The following SCAMP2 variants were observed in gnomAD, a reference collection of about 807,000 sequenced individuals.
The protein encoded by SCAMP2 is secretory carrier-associated membrane protein 2.
In SCAMP2, 25 loss-of-function variants were observed where a neutral mutation model predicts 44.1. That is an observed-to-expected ratio of 0.57 (90% CI 0.41 to 0.79). The LOEUF is 0.79. Ranked by LOEUF, SCAMP2 falls within the 30% of genes least tolerant of loss-of-function variation. The pLI, the probability that SCAMP2 is intolerant of heterozygous loss-of-function variation, is 0.00. For synonymous variants in SCAMP2, 156 were observed against 166.0 expected, an observed-to-expected ratio of 0.94 and a Z score of 0.46; for missense variants, 355 against 411.0, an observed-to-expected ratio of 0.86 and a Z score of 1.18.
chr15:74,855,716 CAAAAAAAAAAA>C (rs10609131), intron 1 of SCAMP2, among the ~76,000 whole-genome samples: 6 of 84,110 alleles, frequency 7.1e-5, no homozygotes, highest in Non-Finnish European at 1.4e-4. Flanking sequence ...AACTCCATCT[CAAAAAAAAAAA>C]AAAAAAAAAA....
Position 74,845,216 on chromosome 15 carries a change from A to G in SCAMP2, c.857T>C (p.Val286Ala). The change falls in exon 9 of 9, where the codon GTG becomes GCG. Residue 286 changes from valine to alanine, a missense_variant and splice_region_variant. By Grantham distance (64) the Val-to-Ala change is moderately conservative (BLOSUM62 0). Coordinates refer to ENST00000268099, the MANE Select transcript of SCAMP2 (RefSeq NM_005697.5). ...AVLSVFLLQR[V>A]HSLYRRTGAS... is the part of the protein sequence containing the mutation. ...CCCTGTCCGTCGGTAGAGGGAGTGC[A>G]CCTGGCGAAGAGGGGTGGGGTGAGA... 1.2e-6 allele frequency: 2 copies of G among 1,612,366 alleles called. No homozygotes were observed. Among genetic ancestry groups the G allele is most frequent in the Non-Finnish European group, 1.7e-6 (2 of 1,179,904 alleles).
At chr15:74,864,489 G>A (rs978477412) in intron 1 of SCAMP2, among the ~76,000 whole-genome samples, 3 of 152,196 alleles carry the variant, frequency 2.0e-5, no homozygotes, top group Non-Finnish European at 4.4e-5. Flanking sequence ...CAGATTGTGG[G>A]ACTTTGGATG....
At chr15:74,862,850 C>CCA (rs1555475203) in intron 1 of SCAMP2, among the ~76,000 whole-genome samples, 3 of 34,232 alleles carry the variant, frequency 8.8e-5, no homozygotes, top group African/African-American at 2.7e-4. Flanking sequence ...AAAAAACAAA[C>CCA]CATACACACA....
intron 1 of SCAMP2, among the ~76,000 whole-genome samples, chr15:74,865,408 AAAAG>A (rs1048901463): frequency 4.6e-5 from 7 of 151,732 alleles, no homozygotes; most frequent in African/African-American, 1.2e-4. Flanking sequence ...AAGAAAAGAA[AAAAG>A]AAAGAAAGGA....
chr15:74,854,224 G>GCAC, intron 2 of SCAMP2, 105 bp from the exon 3 acceptor site: 1 of 1,020,454 alleles, frequency 9.8e-7, no homozygotes, highest in Non-Finnish European at 1.5e-6. Context: ...CCTGTGAGGG[G>GCAC]ACTCCCTCGG....
At chr15:74,869,873 C>T (rs2064563948) in intron 1 of SCAMP2, among the ~76,000 whole-genome samples, 1 of 152,190 alleles carries the variant, frequency 6.6e-6, no homozygotes, top group Non-Finnish European at 1.5e-5. Context: ...TGCCAACACC[C>T]TGAGTAAATG....
intron 1 of SCAMP2, among the ~76,000 whole-genome samples, chr15:74,856,385 G>A (rs370531524): frequency 6.3e-5 from 9 of 142,980 alleles, no homozygotes; most frequent in African/African-American, 2.1e-4. Flanking sequence ...AGCTATTCTC[G>A]TGCCTCAGCC....
chr15:74,856,264 CTTTTTTTTT>C (rs34812536), intron 1 of SCAMP2, among the ~76,000 whole-genome samples: 9 of 60,422 alleles, frequency 1.5e-4, no homozygotes, highest in African/African-American at 6.1e-4. Context: ...AGAGCCAGTT[CTTTTTTTTT>C]TTTTTTTTTT....
chr15:74,865,147 A>G (rs1228452005), intron 1 of SCAMP2, among the ~76,000 whole-genome samples: 3 of 141,282 alleles, frequency 2.1e-5, no homozygotes, highest in African/African-American at 5.3e-5. Context: ...TTGGGAGGCC[A>G]AGGCAGGTGG....
intron 1 of SCAMP2, among the ~76,000 whole-genome samples, chr15:74,869,584 T>C (rs2064562494): frequency 6.6e-6 from 1 of 152,190 alleles, no homozygotes; most frequent in Non-Finnish European, 1.5e-5. Flanking sequence ...GAGACCCAGG[T>C]CAGCACCTTC....
chr15:74,855,487 C>T (rs1463556756), intron 1 of SCAMP2, among the ~76,000 whole-genome samples: 2 of 151,344 alleles, frequency 1.3e-5, no homozygotes, highest in Non-Finnish European at 2.9e-5. Context: ...GAGGCTGAGG[C>T]GGGTGGATCA....
At chr15:74,862,591 A>G (rs973698888) in intron 1 of SCAMP2, among the ~76,000 whole-genome samples, 3 of 151,952 alleles carry the variant, frequency 2.0e-5, no homozygotes, top group African/African-American at 7.3e-5. Flanking sequence ...ATAAATAAAT[A>G]ATTAACAATG....
rs76621369 is a variant in SCAMP2 at position 74,871,201 on chromosome 15, C to T, written c.57+1998G>A. On this transcript the variant is annotated intron_variant, in intron 1 of 8. Transcript: ENST00000268099. ...CTGTCCTGTGGCTCATGCCTGTAAT[C>T]ATAGCACTTTGAGAGGCTGGGGCCA... Among the ~76,000 whole-genome samples the T allele has an allele frequency of 4.1e-3, 629 of 152,300 alleles. 13 individuals carry two copies. The East Asian group carries it at 0.071, about 17-fold the overall frequency.
intron 2 of SCAMP2, 144 bp downstream of exon 2, chr15:74,854,437 C>A (rs2064455041): frequency 1.3e-6 from 1 of 776,672 alleles, no homozygotes; most frequent in African/African-American, 1.7e-5. Context: ...CCTTACCCTG[C>A]CTCCCGGGTT....
chr15:74,861,230 G>A (rs933545636), intron 1 of SCAMP2, among the ~76,000 whole-genome samples: 5 of 152,132 alleles, frequency 3.3e-5, no homozygotes, highest in Non-Finnish European at 5.9e-5. Context: ...GGGTCATGCT[G>A]AGAGGCAGAG....
intron 1 of SCAMP2, among the ~76,000 whole-genome samples, chr15:74,861,794 T>C (rs927776395): frequency 2.0e-5 from 3 of 148,276 alleles, no homozygotes; most frequent in African/African-American, 7.5e-5. Context: ...CCAGCTACTC[T>C]GGAGGCTGAG....
intron 1 of SCAMP2, among the ~76,000 whole-genome samples, chr15:74,870,054 G>A (rs1309984665): frequency 4.6e-5 from 7 of 152,292 alleles, no homozygotes; most frequent in African/African-American, 1.7e-4. Flanking sequence ...TGTGTGCCAA[G>A]AGGAAAAGCC....
At chr15:74,855,868 C>G (rs113664084) in intron 1 of SCAMP2, among the ~76,000 whole-genome samples, 2 of 151,966 alleles carry the variant, frequency 1.3e-5, no homozygotes, top group Non-Finnish European at 2.9e-5. Context: ...TTCTGGGTTT[C>G]GGGGGTTTTT....
chr15:74,844,858 C>T lies in SCAMP2; in HGVS notation c.*225G>A. 2.0e-6 allele frequency: 1 copy of T among 512,072 alleles called. No homozygotes were observed. The highest frequency in any genetic ancestry group is 1.9e-5 in the African/African-American group (1 of 52,286). 31.7% of individuals were successfully genotyped at this position (512,072 alleles called of 1,614,324 possible). On this transcript the variant is annotated 3_prime_UTR_variant, in exon 9 of 9. Transcript: ENST00000268099. Reference sequence around the variant, plus strand: ...CAAAAGAATCCTACCAAACCATCACCAGAGAAGGAAAGAGAGCTTTGTTTT... The same window carrying T: ...CAAAAGAATCCTACCAAACCATCACTAGAGAAGGAAAGAGAGCTTTGTTTT...
Sources: gnomAD v4.1 joint callset for allele counts (sites outside exome capture counted in the v4.1 genomes callset) on GRCh38, gnomAD v4.1.1 for gene constraint, MANE v1.5 for transcripts, NCBI Gene and HGNC (gene_info 2026-07-23, HGNC 2026-07-21) for gene names.